The following WDR86 variants were observed in gnomAD, a reference collection of about 807,000 sequenced individuals.
WDR86 encodes the protein WD repeat-containing protein 86.
In WDR86, 30 loss-of-function variants were observed where a neutral mutation model predicts 36.5. That is an observed-to-expected ratio of 0.82 (90% CI 0.61 to 1.11). The LOEUF is 1.11. WDR86 is among the 50% of genes most tolerant of loss of function. The probability of loss-of-function intolerance (pLI) is 0.00; values close to 1 mark genes in which losing one functional copy is unlikely to be tolerated. For missense variants in WDR86, 545 were observed against 561.2 expected (o/e 0.97, Z 0.29); for synonymous variants, 255 against 252.9 (o/e 1.01, Z -0.08).
chr7:151,410,576 C>T (rs1380121721), upstream of WDR86: 1 of 152,250 alleles, frequency 6.6e-6, no homozygotes, highest in Non-Finnish European at 1.5e-5. Context: ...TCGGTGGAGC[C>T]GGGATGTCAA....
chr7:151,409,411 G>A lies in WDR86; in HGVS notation c.163+16C>T, dbSNP rs1210625773. 1 of 1,555,750 alleles carries A rather than the reference G, an allele frequency of 6.4e-7. No homozygotes were observed. The highest frequency in any genetic ancestry group is 1.2e-5 in the South Asian group (1 of 84,654). On this transcript the variant is annotated intron_variant, in intron 1 of 5. Transcript: ENST00000334493. The surrounding 1 kb of genome is among the most constrained non-coding windows in gnomAD (Gnocchi z 5.2). ...AGCTGCGGCGAAGAGGTCAGGGAGG[G>A]AGTGGGAGGGTCTACCTTGCAGGAG...
chr7:151,389,145 G>A (rs1799213166), intron 3 of WDR86, among the ~76,000 whole-genome samples: 1 of 127,590 alleles, frequency 7.8e-6, no homozygotes, highest in Non-Finnish European at 1.6e-5. Context: ...TGTTTGAGAT[G>A]AGGTTTCTCC....
downstream of WDR86, among the ~76,000 whole-genome samples, chr7:151,380,910 C>A (rs937651477): frequency 1.2e-4 from 18 of 152,130 alleles, no homozygotes; most frequent in Middle Eastern, 3.4e-3. Flanking sequence ...CTAAAGAGCT[C>A]CTCCCTTGCT....
At chr7:151,370,290 A>G in the WDR86 span, among the ~76,000 whole-genome samples, 1 of 151,724 alleles carries the variant, frequency 6.6e-6, no homozygotes, top group East Asian at 1.9e-4. Context: ...GGTTTTACCA[A>G]TTTGGCCAGG....
At chr7:151,392,580 T>A (rs1799514384) in intron 3 of WDR86, among the ~76,000 whole-genome samples, 1 of 151,978 alleles carries the variant, frequency 6.6e-6, no homozygotes. Flanking sequence ...CACTCCCTCA[T>A]CCCACGAGCC....
At position 151,385,068 on chromosome 7, in the gene WDR86, T is replaced by G. The variant is rs756020800; in HGVS notation, c.862+20A>C. 6.3e-7 allele frequency: 1 copy of G among 1,578,902 alleles called. No individual in the cohort carries two copies. Among genetic ancestry groups the G allele is most frequent in the Non-Finnish European group, 8.6e-7 (1 of 1,158,648 alleles). ...AGCCAGGCTGGGGTGGCACAGGTCG[T>G]GCAGGGCCAAGTCACTTACAGGTGC... On this transcript the variant is annotated intron_variant, in intron 4 of 5. Transcript: ENST00000334493.
At position 151,401,700 on chromosome 7, in the gene WDR86, C is replaced by T. The variant is rs972468077; in HGVS notation, c.164-1459G>A. Among the ~76,000 whole-genome samples, 4 of 151,942 alleles carry T rather than the reference C, an allele frequency of 2.6e-5. No homozygotes were observed. The highest frequency in any genetic ancestry group is 5.9e-5 in the Non-Finnish European group (4 of 67,998). On this transcript the variant is annotated intron_variant, in intron 1 of 5. Coordinates refer to ENST00000334493, the MANE Select transcript of WDR86 (RefSeq NM_198285.3). This position sits in a 1 kb window ranked among gnomAD's most constrained non-coding sequence, Gnocchi z 4.3. ...TGGAAAGGGGTCTTTGTGGATGTGA[C>T]GAGGTAAAGACTTTGACTGGGGAGA...
rs762427794 is a variant in WDR86 at position 151,396,034 on chromosome 7, G to C, written c.468C>G (p.Cys156Trp). The part of the protein sequence containing the change: ...SAPWDLPSTP[C>W]AEEAAAGGLL... ...GCCCCCCGGCCGCGGCCTCCTCCGC[G>C]CAGGGAGTGCTGGGGAGGTCCCACG... is the stretch of plus-strand genomic sequence containing the variant. The change falls in exon 3 of 6, where the codon TGC becomes TGG. Residue 156 changes from cysteine to tryptophan, a missense_variant. By Grantham distance (215) the Cys-to-Trp change is radical. Transcript: ENST00000334493. 4 of 1,608,984 alleles carry C rather than the reference G, an allele frequency of 2.5e-6. No homozygotes were observed. The highest frequency in any genetic ancestry group is 2.5e-6 in the Non-Finnish European group (3 of 1,178,022).
At chr7:151,396,731 G>C (rs1233841749) in intron 2 of WDR86, among the ~76,000 whole-genome samples, 1 of 152,218 alleles carries the variant, frequency 6.6e-6, no homozygotes, top group African/African-American at 2.4e-5. Flanking sequence ...AAGCTGGAGA[G>C]CACTGGGAAC....
intron 1 of WDR86, among the ~76,000 whole-genome samples, 176 bp from the exon 2 acceptor site, chr7:151,400,417 C>G (rs932553314): frequency 6.6e-6 from 1 of 152,170 alleles, no homozygotes; most frequent in Non-Finnish European, 1.5e-5. Flanking sequence ...GAGTCTCACT[C>G]TGTCACAAGG....
rs916905682 is a variant in WDR86 at position 151,388,030 on chromosome 7, G to A, written c.727-2807C>T. 2.0e-5 allele frequency among the ~76,000 whole-genome samples: 3 copies of A among 152,226 alleles called. No homozygotes were observed. The highest frequency in any genetic ancestry group is 7.2e-5 in the African/African-American group (3 of 41,462). ...CCAGGGCCTGAACATGGTAACCCCC[G>A]CCCATCCCCAAAACGCAGGTGCAAT... On this transcript the variant is annotated intron_variant, in intron 3 of 5. Transcript: ENST00000334493. The surrounding 1 kb of genome is among the most constrained non-coding windows in gnomAD (Gnocchi z 4.2).
At chr7:151,399,661 A>G (rs747572486) in intron 2 of WDR86, among the ~76,000 whole-genome samples, 1 of 152,228 alleles carries the variant, frequency 6.6e-6, no homozygotes, top group Non-Finnish European at 1.5e-5. Flanking sequence ...GCTACAAAGA[A>G]AGGAGAGGCT....
downstream of WDR86, chr7:151,378,267 A>G (rs1335869536): frequency 6.6e-6 from 1 of 152,264 alleles, no homozygotes; most frequent in African/African-American, 2.4e-5. Flanking sequence ...AGGTGCATCC[A>G]AGACTTTCCC....
At chr7:151,376,927 G>A (rs1019936592), downstream of WDR86, 74 of 1,426,122 alleles carry the variant, frequency 5.2e-5, no homozygotes, top group South Asian at 4.2e-4. Flanking sequence ...TGACGTCACC[G>A]GGCCGGCCAC....
intron 2 of WDR86, among the ~76,000 whole-genome samples, chr7:151,399,502 A>C (rs1171310280): frequency 2.0e-5 from 3 of 152,176 alleles, no homozygotes; most frequent in African/African-American, 7.2e-5. Flanking sequence ...CTCCCTCGGG[A>C]GTCCGAGGTG....
In WDR86 at chr7:151,402,115, G is replaced by A. The variant is rs183403773; in HGVS notation, c.164-1874C>T. Among the ~76,000 whole-genome samples the A allele has an allele frequency of 3.4e-3, 455 of 132,520 alleles. 5 individuals are homozygous for A. The highest frequency in any genetic ancestry group is 0.013 in the African/African-American group (422 of 33,334). 86.9% of individuals were successfully genotyped at this position (132,520 alleles called of 152,430 possible). On this transcript the variant is annotated intron_variant, in intron 1 of 5. Coordinates refer to ENST00000334493, the MANE Select transcript of WDR86 (RefSeq NM_198285.3). ...TATCTCCACAAATGTCCTTACAAGA[G>A]AGAGGCCAGGGAGATGTGATATACT...
downstream of WDR86, among the ~76,000 whole-genome samples, chr7:151,375,559 T>G (rs1798176601): frequency 6.6e-6 from 1 of 152,244 alleles, no homozygotes; most frequent in African/African-American, 2.4e-5. Flanking sequence ...TGTCTGTAGC[T>G]CTGACAAAAC....
rs757123609 is a variant in WDR86 at position 151,381,944 on chromosome 7, G to T, written c.900C>A (p.Phe300Leu). 3 of 1,608,544 alleles carry T rather than the reference G, an allele frequency of 1.9e-6. No homozygotes were observed. The highest frequency in any genetic ancestry group is 2.5e-6 in the Non-Finnish European group (3 of 1,178,066). Residue 300 changes from phenylalanine (F) to leucine (L), a missense_variant, in exon 5 of 6, where the codon TTC becomes TTA. By Grantham distance (22) the Phe-to-Leu change is conservative (BLOSUM62 0). Transcript: ENST00000334493. This position sits in a 1 kb window ranked among gnomAD's most constrained non-coding sequence, Gnocchi z 4.8. ...TGSGDACARA[F>L]DAQSGELRRV... Reference sequence around the variant, plus strand: ...TCCGCAGCTCTCCAGACTGCGCGTCGAAGGCCCGGGCGCAAGCGTCCCCGC... The same window carrying T: ...TCCGCAGCTCTCCAGACTGCGCGTCTAAGGCCCGGGCGCAAGCGTCCCCGC...
chr7:151,374,168 A>C (rs1584974072), downstream of WDR86: 1 of 1,576,970 alleles, frequency 6.3e-7, no homozygotes. Flanking sequence ...GGTTTCTGAA[A>C]GGGATGGGCT....
Sources: allele counts gnomAD v4.1 joint callset (sites outside exome capture counted in the v4.1 genomes callset), GRCh38; gene constraint gnomAD v4.1.1; non-coding constraint Gnocchi (gnomAD v3.1); transcripts MANE v1.5; gene names NCBI Gene and HGNC (gene_info 2026-07-23, HGNC 2026-07-21).